The following RGS7BP variants were observed in gnomAD, a reference collection of about 807,000 sequenced individuals.
RGS7BP encodes the protein regulator of G protein signaling 7-binding protein.
RGS7BP carries 9 observed loss-of-function variants against 31.3 expected under a neutral mutation model. The ratio of observed to expected loss-of-function variants is 0.29; its 90% confidence interval spans 0.17 to 0.50. The LOEUF is 0.50. Among genes scored for constraint, RGS7BP ranks in the 20% least tolerant of loss-of-function variants. RGS7BP has a pLI of 0.98. For missense variants in RGS7BP, 274 were observed against 322.0 expected, an observed-to-expected ratio of 0.85 and a Z score of 1.14; for synonymous variants, 115 against 120.1, an observed-to-expected ratio of 0.96 and a Z score of 0.28.
In RGS7BP at chr5:64,609,510, C is replaced by T; in HGVS notation, c.*258C>T. On this transcript the variant is annotated 3_prime_UTR_variant, in exon 6 of 6. Coordinates refer to ENST00000334025, the MANE Select transcript of RGS7BP (RefSeq NM_001029875.3). Reference sequence around the variant, plus strand: ...AAAGCTGACATTGTGCATGTCTGCTCCAAACCACGCCATGACAGATGCAAG... The same window carrying T: ...AAAGCTGACATTGTGCATGTCTGCTTCAAACCACGCCATGACAGATGCAAG... 2 of 458,268 alleles carry T rather than the reference C, an allele frequency of 4.4e-6. No homozygotes were observed. Among genetic ancestry groups the T allele is most frequent in the Non-Finnish European group, 8.0e-6 (2 of 251,444 alleles). The allele number at this position is 458,268 out of a possible 1,614,324, so 28.4% of individuals were successfully genotyped here. A position where few individuals can be genotyped will look rare whatever the true frequency, so the allele number is the denominator to read the frequency against.
At chr5:64,545,428 G>A (rs1007021352) in intron 2 of RGS7BP, among the ~76,000 whole-genome samples, 23 of 151,280 alleles carry the variant, frequency 1.5e-4, no homozygotes, top group African/African-American at 5.6e-4. Flanking sequence ...AAAAAAAAAA[G>A]AGTCGGCTTT....
chr5:64,550,928 G>C (rs1397260359), intron 2 of RGS7BP, among the ~76,000 whole-genome samples: 1 of 151,794 alleles, frequency 6.6e-6, no homozygotes, highest in Non-Finnish European at 1.5e-5. Context: ...TTTTATGGCT[G>C]CATAGTATTC....
chr5:64,506,684 C>T lies in RGS7BP; in HGVS notation c.60C>T (p.Ile20=), dbSNP rs1334728953. The T allele has an allele frequency of 1.9e-6, 3 of 1,613,234 alleles. No homozygotes were observed. The African/African-American group carries it at 4.0e-5, about 22-fold the overall frequency. The change falls in exon 1 of 6, where the codon ATC becomes ATT. Residue 20 remains isoleucine (I), a synonymous_variant. Transcript: ENST00000334025. The surrounding 1 kb of genome is among the most constrained non-coding windows in gnomAD (Gnocchi z 4.6). ...CCAGCCGGTCCACCCGCTCCTCGAT[C>T]TTCCAGATCAGCAAGCCCCCGCTGC... ...KRPSRSTRSS[I]FQISKPPLQS...
At chr5:64,566,037 A>T (rs1460696895) in intron 2 of RGS7BP, among the ~76,000 whole-genome samples, 1 of 152,154 alleles carries the variant, frequency 6.6e-6, no homozygotes, top group Non-Finnish European at 1.5e-5. Flanking sequence ...GCTGAAAAAG[A>T]CTGCAAAAGG....
At chr5:64,580,325 A>G (rs1048778715) in intron 3 of RGS7BP, among the ~76,000 whole-genome samples, 4 of 152,322 alleles carry the variant, frequency 2.6e-5, no homozygotes, top group African/African-American at 7.2e-5. Flanking sequence ...AGAAAGGCAG[A>G]CAAATGTTTC....
At chr5:64,583,446 G>C (rs1291330107) in intron 3 of RGS7BP, among the ~76,000 whole-genome samples, 1 of 152,044 alleles carries the variant, frequency 6.6e-6, no homozygotes, top group African/African-American at 2.4e-5. Context: ...ATATTCTAAG[G>C]CAAAGGGAGA....
chr5:64,515,972 T>A (rs1349867258), intron 2 of RGS7BP, among the ~76,000 whole-genome samples: 2 of 152,136 alleles, frequency 1.3e-5, no homozygotes, highest in Non-Finnish European at 1.5e-5. Context: ...GCTAATTTTT[T>A]AAAAACTTAT....
At chr5:64,558,230 G>T (rs572976128) in intron 2 of RGS7BP, among the ~76,000 whole-genome samples, 2 of 152,084 alleles carry the variant, frequency 1.3e-5, no homozygotes, top group Non-Finnish European at 2.9e-5. Context: ...TTCTCTCCAC[G>T]TGTTGTCTTG....
intron 2 of RGS7BP, among the ~76,000 whole-genome samples, chr5:64,551,752 G>A (rs1741801365): frequency 6.6e-6 from 1 of 152,018 alleles, no homozygotes; most frequent in African/African-American, 2.4e-5. Flanking sequence ...TTTATTATAT[G>A]TTAAGCAGTT....
chr5:64,519,411 A>C (rs536863614), intron 2 of RGS7BP, among the ~76,000 whole-genome samples: 2 of 152,246 alleles, frequency 1.3e-5, no homozygotes, highest in Non-Finnish European at 2.9e-5. Context: ...TAAACAAATC[A>C]TTGCAGAACA....
chr5:64,562,750 G>A (rs1156960314), intron 2 of RGS7BP, among the ~76,000 whole-genome samples: 1 of 152,118 alleles, frequency 6.6e-6, no homozygotes, highest in Non-Finnish European at 1.5e-5. Context: ...GCACAACACC[G>A]TTTCCAACAG....
intron 3 of RGS7BP, among the ~76,000 whole-genome samples, chr5:64,585,203 AG>A (rs1742710402): frequency 6.6e-6 from 1 of 152,168 alleles, no homozygotes; most frequent in Non-Finnish European, 1.5e-5. Flanking sequence ...AGGAGCACAA[AG>A]GATGTAGGAA....
At chr5:64,557,156 T>C (rs889395193) in intron 2 of RGS7BP, among the ~76,000 whole-genome samples, 2 of 151,972 alleles carry the variant, frequency 1.3e-5, no homozygotes, top group Non-Finnish European at 2.9e-5. Context: ...AAAAAGAAAA[T>C]ACTTCCTGCT....
chr5:64,572,220 C>T (rs1742316380), intron 2 of RGS7BP, among the ~76,000 whole-genome samples: 1 of 152,060 alleles, frequency 6.6e-6, no homozygotes, highest in Non-Finnish European at 1.5e-5. Context: ...AGGAAGTTTC[C>T]AGCTTTTAAA....
chr5:64,590,194 A>C (rs969192763), intron 3 of RGS7BP, among the ~76,000 whole-genome samples: 1 of 152,066 alleles, frequency 6.6e-6, no homozygotes, highest in Non-Finnish European at 1.5e-5. Flanking sequence ...ACATGAATTT[A>C]TATATCCAGC....
chr5:64,609,651 A>G lies in RGS7BP; in HGVS notation c.*399A>G, dbSNP rs116012367. ...CTGATCTCATGTTAAAATTTATCGT[A>G]TATGAAAGAAGTCTTTAAACATAGA... On this transcript the variant is annotated 3_prime_UTR_variant, in exon 6 of 6. Transcript: ENST00000334025. The G allele has an allele frequency of 1.9e-3, 302 of 160,246 alleles. No individual in the cohort carries two copies. The highest frequency in any genetic ancestry group is 3.4e-3 in the Non-Finnish European group (248 of 72,192). The allele number at this position is 160,246 out of a possible 1,614,324, so 9.9% of individuals were successfully genotyped here. A position where few individuals can be genotyped will look rare whatever the true frequency, so the allele number is the denominator to read the frequency against.
At chr5:64,519,360 C>T (rs1174283272) in intron 2 of RGS7BP, among the ~76,000 whole-genome samples, 2 of 152,214 alleles carry the variant, frequency 1.3e-5, no homozygotes, top group Non-Finnish European at 2.9e-5. Context: ...GCCCTTGCCC[C>T]TGAGGAGCTT....
chr5:64,529,594 G>A lies in RGS7BP; in HGVS notation c.332+21717G>A, dbSNP rs533136185. ...TGCCAATGTCTGGGTCCTACCCTCA[G>A]AGATTCTGATTTTCTTGGTCTGGGG... On this transcript the variant is annotated intron_variant, in intron 2 of 5. Transcript: ENST00000334025. 5.9e-5 allele frequency among the ~76,000 whole-genome samples: 9 copies of A among 152,338 alleles called. No homozygotes were observed. In the South Asian group the frequency reaches 1.9e-3, roughly 32 times the overall value.
chr5:64,522,364 C>G (rs1478229710), intron 2 of RGS7BP, among the ~76,000 whole-genome samples: 3 of 152,108 alleles, frequency 2.0e-5, no homozygotes, highest in African/African-American at 7.2e-5. Context: ...ATTTGAGAAG[C>G]CTTATCTGTG....
Sources: allele counts gnomAD v4.1 joint callset (sites outside exome capture counted in the v4.1 genomes callset), GRCh38; gene constraint gnomAD v4.1.1; non-coding constraint Gnocchi (gnomAD v3.1); transcripts MANE v1.5; gene names NCBI Gene and HGNC (gene_info 2026-07-23, HGNC 2026-07-21).